Variants in ANXA10 observed in about 807,000 individuals in gnomAD.
The protein encoded by ANXA10 is annexin A10.
Under a neutral mutation model 53.5 loss-of-function variants are expected in ANXA10, and 49 were observed. The observed-to-expected ratio is 0.92, with a 90% CI of 0.73 to 1.16. The LOEUF is 1.16. Among genes scored for constraint, ANXA10 ranks in the 50% most tolerant of loss-of-function variants. The pLI, the probability that ANXA10 is intolerant of heterozygous loss-of-function variation, is 0.00. For missense variants in ANXA10, 393 were observed against 394.4 expected, an observed-to-expected ratio of 1.00 and a Z score of 0.03; for synonymous variants, 131 against 128.9, an observed-to-expected ratio of 1.02 and a Z score of -0.11.
At chr4:168,141,066 A>T (rs945607505) in intron 3 of ANXA10, among the ~76,000 whole-genome samples, 4 of 152,234 alleles carry the variant, frequency 2.6e-5, no homozygotes, top group African/African-American at 9.6e-5. Flanking sequence ...ACAATTTTAA[A>T]ATGAAGTACT....
Position 168,155,467 on chromosome 4 carries a change from TAATTATA to T in ANXA10, c.196-7053_196-7047del, listed in dbSNP as rs1318122569. Among the ~76,000 whole-genome samples, 6 of 27,012 alleles carry T rather than the reference TAATTATA, an allele frequency of 2.2e-4. 1 individual carries two copies. In the South Asian group the frequency reaches 2.9e-3, roughly 13 times the overall value. The allele number at this position is 27,012 out of a possible 152,430, so 17.7% of individuals were successfully genotyped here. On this transcript the variant is annotated intron_variant, in intron 3 of 11. Coordinates refer to ENST00000359299, the MANE Select transcript of ANXA10 (RefSeq NM_007193.5). ...TATGAATTATATATTTTATAATATA[TAATTATA>T]AATTATATATTATATAATATATAAT...
intron 1 of ANXA10, among the ~76,000 whole-genome samples, chr4:168,112,521 T>G (rs1465570401): frequency 1.3e-5 from 2 of 152,188 alleles, no homozygotes; most frequent in Non-Finnish European, 2.9e-5. Context: ...TGATTTTTCT[T>G]AACTTTTTAT....
intron 2 of ANXA10, among the ~76,000 whole-genome samples, chr4:168,129,234 G>A (rs1731120628): frequency 6.6e-6 from 1 of 152,082 alleles, no homozygotes; most frequent in South Asian, 2.1e-4. Context: ...AACAATAGAG[G>A]ACTTAAAATA....
At chr4:168,137,046 G>T (rs961210925) in intron 2 of ANXA10, among the ~76,000 whole-genome samples, 4 of 152,158 alleles carry the variant, frequency 2.6e-5, no homozygotes, top group African/African-American at 9.7e-5. Flanking sequence ...ATATATCTGG[G>T]GTCCTTTTAG....
chr4:168,123,023 T>C (rs1252496265), intron 1 of ANXA10, among the ~76,000 whole-genome samples: 3 of 152,190 alleles, frequency 2.0e-5, no homozygotes, highest in African/African-American at 7.2e-5. Flanking sequence ...TACACTACTA[T>C]TAATAAAATT....
chr4:168,139,363 G>T, intron 2 of ANXA10, 123 bp from the exon 3 acceptor site: 1 of 642,140 alleles, frequency 1.6e-6, no homozygotes, highest in Non-Finnish European at 2.5e-6. Context: ...AGTTAAAATT[G>T]TTCCCTGCTG....
intron 2 of ANXA10, among the ~76,000 whole-genome samples, chr4:168,133,234 A>T (rs1359376796): frequency 6.6e-6 from 1 of 152,142 alleles, no homozygotes; most frequent in African/African-American, 2.4e-5. Context: ...TGTGTGTCAC[A>T]TAAACTAAAT....
chr4:168,168,496 T>A (rs1460758763), intron 6 of ANXA10, among the ~76,000 whole-genome samples: 1 of 152,142 alleles, frequency 6.6e-6, no homozygotes, highest in South Asian at 2.1e-4. Flanking sequence ...CTTGGCTCAC[T>A]GCAACCTCTG....
intron 3 of ANXA10, among the ~76,000 whole-genome samples, chr4:168,155,885 T>TA (rs1560783991): frequency 0.015 from 224 of 15,060 alleles, 32 homozygotes; most frequent in African/African-American, 0.069. Flanking sequence ...TTATATGTTA[T>TA]ATATAATATA....
At chr4:168,177,715 T>G in intron 6 of ANXA10, 25 bp from the exon 7 acceptor site, 1 of 1,613,288 alleles carries the variant, frequency 6.2e-7, no homozygotes, top group Non-Finnish European at 8.5e-7. Context: ...AACATTTACA[T>G]GGAAAACCTG....
intron 4 of ANXA10, among the ~76,000 whole-genome samples, chr4:168,163,250 G>A (rs546935988): frequency 6.6e-6 from 1 of 152,200 alleles, no homozygotes; most frequent in Admixed American, 6.5e-5. Flanking sequence ...TTGTTGGCTA[G>A]GTACAGGGAA....
At chr4:168,107,658 G>A (rs1730739050) in intron 1 of ANXA10, among the ~76,000 whole-genome samples, 1 of 152,182 alleles carries the variant, frequency 6.6e-6, no homozygotes, top group South Asian at 2.1e-4. Context: ...GAAAGTCCAA[G>A]ATCAAAGTGT....
intron 3 of ANXA10, among the ~76,000 whole-genome samples, chr4:168,157,788 C>T (rs1385072370): frequency 1.3e-5 from 2 of 152,062 alleles, no homozygotes; most frequent in Non-Finnish European, 2.9e-5. Context: ...ACTTGTGAAG[C>T]TATGTGTATT....
At chr4:168,131,696 G>A (rs114631172) in intron 2 of ANXA10, among the ~76,000 whole-genome samples, 5,446 of 151,882 alleles carry the variant, frequency 0.036, 169 homozygotes, top group African/African-American at 0.077. Flanking sequence ...ACATATTAAG[G>A]TTTGTTATAT....
At chr4:168,174,869 T>C (rs527965773) in intron 6 of ANXA10, among the ~76,000 whole-genome samples, 2 of 152,308 alleles carry the variant, frequency 1.3e-5, no homozygotes, top group Non-Finnish European at 2.9e-5. Flanking sequence ...AAACCTGATA[T>C]GTATATTAGA....
intron 3 of ANXA10, among the ~76,000 whole-genome samples, chr4:168,156,042 TTA>T (rs1731649791): frequency 3.0e-5 from 1 of 33,226 alleles, no homozygotes; most frequent in South Asian, 1.5e-3. Flanking sequence ...TAGTATTATA[TTA>T]TATATTATAT....
At chr4:168,173,727 G>A (rs1732062750) in intron 6 of ANXA10, among the ~76,000 whole-genome samples, 1 of 152,166 alleles carries the variant, frequency 6.6e-6, no homozygotes, top group Non-Finnish European at 1.5e-5. Context: ...CCATCTACAA[G>A]TCTCAGATAA....
At chr4:168,158,627 T>G (rs1296791855) in intron 3 of ANXA10, among the ~76,000 whole-genome samples, 1 of 152,176 alleles carries the variant, frequency 6.6e-6, no homozygotes, top group African/African-American at 2.4e-5. Context: ...CTTGCCTTGT[T>G]CTCAATCTTA....
chr4:168,102,625 A>G (rs1189112560), intron 1 of ANXA10, among the ~76,000 whole-genome samples: 1 of 152,066 alleles, frequency 6.6e-6, no homozygotes, highest in Non-Finnish European at 1.5e-5. Context: ...ATGTACCACA[A>G]TTTGTTTATC....
Sources: gnomAD v4.1 joint callset for allele counts (sites outside exome capture counted in the v4.1 genomes callset) on GRCh38, gnomAD v4.1.1 for gene constraint, MANE v1.5 for transcripts, NCBI Gene and HGNC (gene_info 2026-07-23, HGNC 2026-07-21) for gene names.